The following FSTL4 variants were observed in gnomAD, a reference collection of about 807,000 sequenced individuals.
FSTL4 encodes follistatin-related protein 4.
FSTL4 carries 28 observed loss-of-function variants against 78.2 expected under a neutral mutation model. The ratio of observed to expected loss-of-function variants is 0.36; its 90% CI spans 0.27 to 0.49. The LOEUF (loss-of-function observed/expected upper bound fraction) is 0.49, where lower values mean the gene tolerates loss of function less well. FSTL4 is among the 20% of genes least tolerant of loss of function. The pLI, the probability that FSTL4 is intolerant of heterozygous loss-of-function variation, is 0.98. For synonymous variants in FSTL4, 422 were observed against 440.5 expected, an observed-to-expected ratio of 0.96 and a Z score of 0.53; for missense variants, 922 against 1,084.9, an observed-to-expected ratio of 0.85 and a Z score of 2.11.
chr5:133,604,225 T>C (rs2112980247), intron 1 of FSTL4, among the ~76,000 whole-genome samples: 1 of 152,280 alleles, frequency 6.6e-6, no homozygotes, highest in Middle Eastern at 3.4e-3. Context: ...AAGGAGTTAG[T>C]GTCAGGCATA....
At chr5:133,497,983 G>A (rs1184384239) in intron 3 of FSTL4, among the ~76,000 whole-genome samples, 1 of 152,130 alleles carries the variant, frequency 6.6e-6, no homozygotes, top group African/African-American at 2.4e-5. Context: ...TCTGTGACTT[G>A]CGGGGTCTGT....
chr5:133,768,348 C>A, the FSTL4 span, among the ~76,000 whole-genome samples: 2 of 152,170 alleles, frequency 1.3e-5, no homozygotes, highest in Admixed American at 1.3e-4. Context: ...TTGGCAAAAC[C>A]CAGTGTGCCT....
the FSTL4 span, among the ~76,000 whole-genome samples, chr5:133,619,810 C>A: frequency 6.6e-6 from 1 of 152,166 alleles, no homozygotes; most frequent in Non-Finnish European, 1.5e-5. Context: ...TCACTACAAC[C>A]CTCTTCAAAA....
At chr5:133,690,236 T>C in the FSTL4 span, among the ~76,000 whole-genome samples, 1 of 152,128 alleles carries the variant, frequency 6.6e-6, no homozygotes, top group Non-Finnish European at 1.5e-5. Flanking sequence ...ATTCCATTAA[T>C]AAGATCAGAC....
chr5:133,427,947 G>A (rs747573763), intron 3 of FSTL4, among the ~76,000 whole-genome samples: 18 of 152,164 alleles, frequency 1.2e-4, no homozygotes, highest in Non-Finnish European at 2.4e-4. Context: ...AGGTGGAGCT[G>A]GGGAGGCAGC....
chr5:133,685,363 T>G, the FSTL4 span, among the ~76,000 whole-genome samples: 2 of 152,192 alleles, frequency 1.3e-5, no homozygotes, highest in African/African-American at 4.8e-5. Flanking sequence ...GGCACGGTCC[T>G]TGGCCAGCTG....
intron 2 of FSTL4, among the ~76,000 whole-genome samples, chr5:133,603,247 A>G (rs1760907949): frequency 6.6e-6 from 1 of 152,128 alleles, no homozygotes; most frequent in Admixed American, 6.5e-5. Flanking sequence ...CCTCTTTACT[A>G]CATAAGACCA....
intron 4 of FSTL4, among the ~76,000 whole-genome samples, chr5:133,316,883 G>C (rs146615081): frequency 2.0e-5 from 3 of 152,240 alleles, no homozygotes; most frequent in Admixed American, 6.5e-5. Context: ...ATGCTGGAGG[G>C]AATCTGTCCA....
intron 7 of FSTL4, among the ~76,000 whole-genome samples, chr5:133,242,664 G>A (rs1347389812): frequency 6.6e-6 from 1 of 152,086 alleles, no homozygotes; most frequent in African/African-American, 2.4e-5. Context: ...CATAGGCCCC[G>A]GCCCCCATAT....
chr5:133,678,092 T>C, the FSTL4 span, among the ~76,000 whole-genome samples: 2 of 152,240 alleles, frequency 1.3e-5, no homozygotes, highest in African/African-American at 2.4e-5. Flanking sequence ...TCTTAGCATT[T>C]TTCAAGAATA....
chr5:133,726,541 C>G, the FSTL4 span, among the ~76,000 whole-genome samples: 1 of 152,178 alleles, frequency 6.6e-6, no homozygotes, highest in Non-Finnish European at 1.5e-5. Context: ...TCCTTTATCC[C>G]CATGAGCGAG....
the FSTL4 span, among the ~76,000 whole-genome samples, chr5:133,638,718 AT>A: frequency 5.3e-5 from 8 of 151,640 alleles, no homozygotes; most frequent in Admixed American, 5.3e-4. Context: ...TATTTTGCTT[AT>A]TTCTTTTGTT....
At position 133,199,737 on chromosome 5, in the gene FSTL4, C is replaced by G; in HGVS notation, c.1887G>C (p.Met629Ile). The G allele has an allele frequency of 6.2e-7, 1 of 1,602,062 alleles. No individual in the cohort carries two copies. The highest frequency in any genetic ancestry group is 8.5e-7 in the Non-Finnish European group (1 of 1,173,958). The change falls in exon 16 of 16, where the codon ATG becomes ATC. Residue 629 changes from methionine to isoleucine, a missense_variant. Physicochemically the swap from Met to Ile is conservative, Grantham distance 10 (BLOSUM62 1). Coordinates refer to ENST00000265342, the MANE Select transcript of FSTL4 (RefSeq NM_015082.2). The surrounding 1 kb of genome is among the most constrained non-coding windows in gnomAD (Gnocchi z 4.4). ...PAVHKVDLET[M>I]MPLKTIGLHH... is the part of the protein sequence containing the mutation. ...GCAGGCCGATGGTCTTGAGGGGCAT[C>G]ATTGTTTCCAGGTCCACCTTGTGGA...
the FSTL4 span, among the ~76,000 whole-genome samples, chr5:133,688,975 C>T: frequency 6.6e-6 from 1 of 152,214 alleles, no homozygotes; most frequent in South Asian, 2.1e-4. Flanking sequence ...CAGCCGCTCA[C>T]TCAGGGTGAC....
intron 13 of FSTL4, among the ~76,000 whole-genome samples, chr5:133,211,876 A>T (rs781290808): frequency 3.3e-5 from 5 of 152,160 alleles, no homozygotes; most frequent in Non-Finnish European, 5.9e-5. Flanking sequence ...CGTATAGAGA[A>T]TTGAACTCTT....
chr5:133,227,155 C>A (rs1198330029), intron 8 of FSTL4, among the ~76,000 whole-genome samples: 1 of 152,208 alleles, frequency 6.6e-6, no homozygotes, highest in African/African-American at 2.4e-5. Flanking sequence ...AACATGAGCT[C>A]AGGGCACCCA....
At position 133,478,473 on chromosome 5, in the gene FSTL4, G is replaced by C. The variant is rs1757964015; in HGVS notation, c.161-77487C>G. Among the ~76,000 whole-genome samples, 5 of 152,304 alleles carry C rather than the reference G, an allele frequency of 3.3e-5. No individual in the cohort carries two copies. The South Asian group carries it at 1.0e-3, about 32-fold the overall frequency. On this transcript the variant is annotated intron_variant, in intron 3 of 15. Coordinates refer to ENST00000265342, the MANE Select transcript of FSTL4 (RefSeq NM_015082.2). ...GGATAAATAATGCATTTTCAGGAGA[G>C]AGCCTTATTTTGCTGTAGTTGTTAG...
intron 4 of FSTL4, among the ~76,000 whole-genome samples, chr5:133,360,525 C>T (rs1218850173): frequency 3.0e-5 from 4 of 131,350 alleles, no homozygotes; most frequent in Non-Finnish European, 6.4e-5. Context: ...TATTTGTGAA[C>T]AATCTTTAAA....
Position 133,198,488 on chromosome 5 carries a change from T to TAATC in FSTL4, c.*603_*606dup, listed in dbSNP as rs1219953737. ...CATTTGAGATTATAAAATTTTTTTTTAATCAAAAATTTCCAAAATAAAGTG... is the reference window on the plus strand; with the variant it reads ...CATTTGAGATTATAAAATTTTTTTTTAATCAATCAAAAATTTCCAAAATAAAGTG... On this transcript the variant is annotated 3_prime_UTR_variant, in exon 16 of 16. Transcript: ENST00000265342. The TAATC allele has an allele frequency of 2.0e-5, 3 of 152,520 alleles. No homozygotes were observed. Among genetic ancestry groups the TAATC allele is most frequent in the Non-Finnish European group, 4.4e-5 (3 of 68,044 alleles). The allele number at this position is 152,520 out of a possible 1,614,324, so 9.4% of individuals were successfully genotyped here. A position where few individuals can be genotyped will look rare whatever the true frequency, so the allele number is the denominator to read the frequency against.
Sources: gnomAD v4.1 joint callset for allele counts (sites outside exome capture counted in the v4.1 genomes callset) on GRCh38, gnomAD v4.1.1 for gene constraint, Gnocchi (gnomAD v3.1) non-coding constraint, MANE v1.5 for transcripts, NCBI Gene and HGNC (gene_info 2026-07-23, HGNC 2026-07-21) for gene names.